LRP2: variants seen among roughly 807,000 people sequenced by gnomAD.
LRP2 encodes the protein LDL receptor related protein 2.
LRP2 carries 172 observed loss-of-function variants against 531.0 expected under a neutral mutation model. That is an observed-to-expected ratio of 0.32 (90% CI 0.29 to 0.37). The LOEUF (loss-of-function observed/expected upper bound fraction) is 0.37. Ranked by LOEUF, LRP2 falls within the 10% of genes least tolerant of loss-of-function variation. LRP2 has a pLI of 1.00. For synonymous variants in LRP2, 1,992 were observed against 2,027.6 expected (o/e 0.98, Z 0.47); for missense variants, 5,167 against 5,868.3 (o/e 0.88, Z 3.90).
intron 1 of LRP2, among the ~76,000 whole-genome samples, chr2:169,361,358 C>CTGTCTCTCTCTG (rs762734016): frequency 7.8e-6 from 1 of 127,522 alleles, no homozygotes; most frequent in Non-Finnish European, 1.7e-5. Context: ...CTGTCTCTCT[C>CTGTCTCTCTCTG]TCTCTCTCTC....
chr2:169,128,868 C>G (rs116006418), intron 78 of LRP2, 38 bp from the exon 79 acceptor site: 1 of 1,610,804 alleles, frequency 6.2e-7, no homozygotes, highest in African/African-American at 1.3e-5. Context: ...CCATTTATTC[C>G]CCCAAGGTCA....
intron 70 of LRP2, among the ~76,000 whole-genome samples, 176 bp from the exon 71 acceptor site, chr2:169,142,969 C>T (rs1263959008): frequency 6.6e-6 from 1 of 152,234 alleles, no homozygotes; most frequent in South Asian, 2.1e-4. Flanking sequence ...TGCCACCACA[C>T]TGCAGTGGGA....
intron 37 of LRP2, among the ~76,000 whole-genome samples, chr2:169,210,528 T>G (rs898379072): frequency 6.6e-6 from 1 of 152,212 alleles, no homozygotes; most frequent in Non-Finnish European, 1.5e-5. Context: ...TCATGAGAAC[T>G]GCAGGGTAAA....
At chr2:169,190,410 T>C (rs1254971335) in intron 48 of LRP2, among the ~76,000 whole-genome samples, 2 of 152,206 alleles carry the variant, frequency 1.3e-5, no homozygotes, top group Non-Finnish European at 2.9e-5. Context: ...ATAGCATTTA[T>C]CTACTTTTTA....
intron 21 of LRP2, among the ~76,000 whole-genome samples, chr2:169,246,207 A>T (rs1356649536): frequency 6.6e-6 from 1 of 151,478 alleles, no homozygotes; most frequent in African/African-American, 2.4e-5. Context: ...ATTTATTATT[A>T]TTATACTTTA....
chr2:169,349,835 C>T (rs980275829), intron 1 of LRP2, among the ~76,000 whole-genome samples: 4 of 152,204 alleles, frequency 2.6e-5, no homozygotes, highest in Non-Finnish European at 5.9e-5. Context: ...TCCCTTCACA[C>T]GCATTGATCT....
At chr2:169,298,091 C>A (rs1367820461) in intron 4 of LRP2, among the ~76,000 whole-genome samples, 1 of 151,942 alleles carries the variant, frequency 6.6e-6, no homozygotes, top group African/African-American at 2.4e-5. Context: ...TCCTCTGGCT[C>A]CAAGACAGAT....
rs1685150905 is a variant in LRP2 at position 169,127,878 on chromosome 2, G to T, written c.*785C>A. Reference sequence around the variant, plus strand: ...AGGTGAGGGGAGAAATTGCTCCAGGGTCCATCAGCAGAAGAGCTCATTTAA... The same window carrying T: ...AGGTGAGGGGAGAAATTGCTCCAGGTTCCATCAGCAGAAGAGCTCATTTAA... On this transcript the variant is annotated 3_prime_UTR_variant, in exon 79 of 79. Coordinates refer to ENST00000649046, the MANE Select transcript of LRP2 (RefSeq NM_004525.3). The T allele has an allele frequency of 6.6e-6, 1 of 152,280 alleles. No homozygotes were observed. Among genetic ancestry groups the T allele is most frequent in the Admixed American group, 6.6e-5 (1 of 15,256 alleles). 9.4% of individuals were successfully genotyped at this position (152,280 alleles called of 1,614,324 possible).
chr2:169,127,641 C>G lies in LRP2; in HGVS notation c.*1022G>C, dbSNP rs1558965557. ...TTTAGCCACAGGGCCTAATAAAAAG[C>G]TTAATAAGAATGGTTTCCCTTTCTA... On this transcript the variant is annotated 3_prime_UTR_variant, in exon 79 of 79. Coordinates refer to ENST00000649046, the MANE Select transcript of LRP2 (RefSeq NM_004525.3). The G allele has an allele frequency of 6.6e-6, 1 of 150,924 alleles. No individual in the cohort carries two copies. Among genetic ancestry groups the G allele is most frequent in the African/African-American group, 2.4e-5 (1 of 40,840 alleles). 9.3% of individuals were successfully genotyped at this position (150,924 alleles called of 1,614,324 possible). A position where few individuals can be genotyped will look rare whatever the true frequency, so the allele number is the denominator to read the frequency against.
At chr2:169,299,972 G>A (rs1325372732) in intron 4 of LRP2, among the ~76,000 whole-genome samples, 1 of 152,108 alleles carries the variant, frequency 6.6e-6, no homozygotes, top group African/African-American at 2.4e-5. Context: ...TTATTCTACA[G>A]AGTGCTGCCT....
intron 49 of LRP2, 91 bp from the exon 50 acceptor site, chr2:169,186,110 C>A: frequency 9.0e-7 from 1 of 1,116,780 alleles, no homozygotes; most frequent in Non-Finnish European, 1.3e-6. Flanking sequence ...CTAAACAGTG[C>A]CAATTCTTAA....
At chr2:169,281,361 G>T (rs112444881) in intron 10 of LRP2, among the ~76,000 whole-genome samples, 6,487 of 152,308 alleles carry the variant, frequency 0.043, 175 homozygotes, top group South Asian at 0.11. Flanking sequence ...GGCGGAGATT[G>T]CAGTGAGGCA....
chr2:169,233,688 C>G, intron 29 of LRP2, 100 bp from the exon 30 acceptor site: 1 of 1,040,654 alleles, frequency 9.6e-7, no homozygotes, highest in Non-Finnish European at 1.5e-6. Flanking sequence ...TTTCCTTTAA[C>G]ATGTCATTAT....
intron 6 of LRP2, 62 bp from the exon 7 acceptor site, chr2:169,292,431 C>T (rs1684021558): frequency 9.8e-7 from 1 of 1,022,596 alleles, no homozygotes; most frequent in African/African-American, 1.6e-5. Flanking sequence ...TGAAAGTGCT[C>T]TCACCTCACT....
intron 70 of LRP2, 84 bp downstream of exon 70, chr2:169,145,663 T>C (rs535999183): frequency 9.1e-6 from 12 of 1,320,450 alleles, no homozygotes; most frequent in African/African-American, 1.4e-5. Flanking sequence ...TGTTATCTAC[T>C]GCCATCTTCC....
intron 73 of LRP2, 80 bp downstream of exon 73, chr2:169,139,463 G>A (rs1685642862): frequency 1.9e-6 from 3 of 1,612,400 alleles, no homozygotes; most frequent in Admixed American, 3.3e-5. Flanking sequence ...TCAAAGACTG[G>A]GTTAAGTAGA....
intron 62 of LRP2, among the ~76,000 whole-genome samples, chr2:169,165,331 A>G (rs1686744270): frequency 6.6e-6 from 1 of 152,232 alleles, no homozygotes. Context: ...ATTTTAAAAC[A>G]TTTTGAAAGT....
chr2:169,327,927 G>A (rs1685146778), intron 1 of LRP2, among the ~76,000 whole-genome samples: 2 of 110,838 alleles, frequency 1.8e-5, no homozygotes, highest in African/African-American at 7.4e-5. Context: ...CGTCCAGGAG[G>A]GAGGTGGGGG....
chr2:169,243,100 A>T, intron 23 of LRP2, 28 bp from the exon 24 acceptor site: 2 of 1,541,654 alleles, frequency 1.3e-6, no homozygotes, highest in Non-Finnish European at 1.8e-6. Context: ...AAGCATTAGA[A>T]ATTAGCTCAG....
Sources: allele counts gnomAD v4.1 joint callset (sites outside exome capture counted in the v4.1 genomes callset), GRCh38; gene constraint gnomAD v4.1.1; transcripts MANE v1.5; gene names NCBI Gene and HGNC (gene_info 2026-07-23, HGNC 2026-07-21).